Variants in ARHGEF10 observed in about 807,000 individuals in gnomAD.
ARHGEF10 encodes the protein Rho guanine nucleotide exchange factor (GEF) 10.
Under a neutral mutation model 147.4 loss-of-function variants are expected in ARHGEF10, and 140 were observed. The ratio of observed to expected loss-of-function variants is 0.95; its 90% CI spans 0.83 to 1.09. The LOEUF is 1.09. Ranked by LOEUF, ARHGEF10 falls within the 50% of genes least tolerant of loss-of-function variation. The pLI, the probability that ARHGEF10 is intolerant of heterozygous loss-of-function variation, is 0.00. For synonymous variants in ARHGEF10, 902 were observed against 695.8 expected (o/e 1.30, Z -4.67); for missense variants, 2,222 against 1,752.7 (o/e 1.27, Z -4.78).
chr8:1,844,119 G>T (rs185994899), intron 2 of ARHGEF10, among the ~76,000 whole-genome samples: 4 of 152,296 alleles, frequency 2.6e-5, no homozygotes, highest in Non-Finnish European at 5.9e-5. Context: ...CATGGGCCTG[G>T]TGTCCGTTGC....
chr8:1,933,747 A>C (rs1356668284), intron 25 of ARHGEF10, 53 bp from the exon 26 acceptor site: 7 of 1,609,696 alleles, frequency 4.3e-6, no homozygotes, highest in Non-Finnish European at 6.0e-6. Flanking sequence ...CCATTTTCCC[A>C]TTCCTGTGCA....
At chr8:1,945,446 A>C in intron 26 of ARHGEF10, 35 bp from the exon 27 acceptor site, 1 of 1,558,592 alleles carries the variant, frequency 6.4e-7, no homozygotes, top group Non-Finnish European at 8.7e-7. Flanking sequence ...GACTCACTCC[A>C]CGGGGCTAGC....
At chr8:1,955,046 AT>A (rs1426618529) in intron 28 of ARHGEF10, among the ~76,000 whole-genome samples, 12 of 131,482 alleles carry the variant, frequency 9.1e-5, no homozygotes, top group Admixed American at 1.5e-4. Flanking sequence ...GTTTTTCTGG[AT>A]GGGTAGCTAG....
chr8:1,864,526 C>A, intron 5 of ARHGEF10, 90 bp downstream of exon 5: 1 of 1,347,974 alleles, frequency 7.4e-7, no homozygotes. Context: ...TCCCTGCCCG[C>A]CATCCTCAGC....
intron 8 of ARHGEF10, among the ~76,000 whole-genome samples, chr8:1,878,743 G>T (rs547175104): frequency 1.3e-5 from 2 of 152,310 alleles, no homozygotes; most frequent in African/African-American, 4.8e-5. Flanking sequence ...AGGAGACCCT[G>T]CCCTTGCTTT....
intron 2 of ARHGEF10, among the ~76,000 whole-genome samples, chr8:1,856,232 C>T (rs1362285805): frequency 2.6e-5 from 4 of 152,190 alleles, no homozygotes; most frequent in Non-Finnish European, 4.4e-5. Context: ...ATTTCTGAAT[C>T]CTTTTTCTTG....
At chr8:1,843,824 G>A (rs970468027) in intron 2 of ARHGEF10, among the ~76,000 whole-genome samples, 16 of 152,158 alleles carry the variant, frequency 1.1e-4, no homozygotes, top group Admixed American at 8.5e-4. Context: ...GCGGGTGCTC[G>A]CCCAGTTTCC....
At chr8:1,886,317 A>T (rs1342134466) in intron 11 of ARHGEF10, among the ~76,000 whole-genome samples, 2 of 152,170 alleles carry the variant, frequency 1.3e-5, no homozygotes, top group Admixed American at 1.3e-4. Context: ...TGTTTCCCAC[A>T]TGGGCAGCGA....
At chr8:1,907,032 G>A (rs1361143629) in intron 17 of ARHGEF10, among the ~76,000 whole-genome samples, 1 of 152,242 alleles carries the variant, frequency 6.6e-6, no homozygotes, top group Non-Finnish European at 1.5e-5. Flanking sequence ...CCTTCTGTGT[G>A]CAGAAGTGAA....
chr8:1,833,171 AGCAGAGGGAG>A (rs1803347375), intron 1 of ARHGEF10, among the ~76,000 whole-genome samples: 1 of 78,228 alleles, frequency 1.3e-5, no homozygotes, highest in African/African-American at 5.9e-5. Context: ...CAGAGACAGA[AGCAGAGGGAG>A]GCAGAGACAG....
rs1015159398 is a variant in ARHGEF10, at chr8:1,923,087, T to C, written c.2259+8T>C. On this transcript the variant is annotated splice_region_variant and intron_variant, in intron 19 of 28. Transcript: ENST00000349830. The stretch of plus-strand genomic sequence containing the variant: ...CTTAAAGGAAACTATCAGGTAACAA[T>C]TGAAGCAATTGGATTTAAGATTCTG... 6 of 1,560,500 alleles carry C rather than the reference T, an allele frequency of 3.8e-6. No individual in the cohort carries two copies. Among genetic ancestry groups the C allele is most frequent in the South Asian group, 1.1e-5 (1 of 89,922 alleles).
At chr8:1,923,176 T>C in intron 19 of ARHGEF10, 97 bp downstream of exon 19, 1 of 1,005,942 alleles carries the variant, frequency 9.9e-7, no homozygotes, top group Non-Finnish European at 1.5e-6. Context: ...AAGTGAGAAT[T>C]CATTTTGACT....
chr8:1,886,687 G>T (rs1808685951), intron 11 of ARHGEF10, among the ~76,000 whole-genome samples: 1 of 142,972 alleles, frequency 7.0e-6, no homozygotes, highest in Admixed American at 6.8e-5. Context: ...CTCTGTGCAG[G>T]CCCCGTGCCC....
chr8:1,849,056 GC>G (rs1213273609), intron 2 of ARHGEF10, among the ~76,000 whole-genome samples: 3 of 152,212 alleles, frequency 2.0e-5, no homozygotes, highest in Non-Finnish European at 4.4e-5. Flanking sequence ...CACAGTCAGT[GC>G]TGGTCACCCC....
chr8:1,928,696 A>T (rs200513465), intron 24 of ARHGEF10, 46 bp downstream of exon 24: 3 of 1,598,960 alleles, frequency 1.9e-6, no homozygotes, highest in African/African-American at 1.3e-5. Context: ...AGCTCTGCCC[A>T]TGGAGGGCGT....
chr8:1,897,145 T>G (rs1345615740), intron 14 of ARHGEF10, among the ~76,000 whole-genome samples: 1 of 152,198 alleles, frequency 6.6e-6, no homozygotes, highest in African/African-American at 2.4e-5. Flanking sequence ...GGGGACAAAG[T>G]GTGTTCTTGT....
chr8:1,915,212 G>T (rs746979364), intron 18 of ARHGEF10, among the ~76,000 whole-genome samples: 1 of 152,186 alleles, frequency 6.6e-6, no homozygotes, highest in Non-Finnish European at 1.5e-5. Flanking sequence ...GATGGGCGCT[G>T]ACTCCGGATG....
At chr8:1,893,965 G>A (rs952272852) in intron 12 of ARHGEF10, among the ~76,000 whole-genome samples, 1 of 152,050 alleles carries the variant, frequency 6.6e-6, no homozygotes, top group African/African-American at 2.4e-5. Context: ...CCTGAGCTCA[G>A]GAGTTCGAGA....
intron 7 of ARHGEF10, among the ~76,000 whole-genome samples, chr8:1,875,583 T>C (rs894818365): frequency 3.9e-5 from 6 of 152,244 alleles, no homozygotes; most frequent in African/African-American, 1.4e-4. Context: ...CAAAGTGAGC[T>C]CATTTCACGC....
Sources: allele counts gnomAD v4.1 joint callset (sites outside exome capture counted in the v4.1 genomes callset), GRCh38; gene constraint gnomAD v4.1.1; transcripts MANE v1.5; gene names NCBI Gene and HGNC (gene_info 2026-07-23, HGNC 2026-07-21).